The following SLC43A2 variants were observed in gnomAD, a reference collection of about 807,000 sequenced individuals.
The protein encoded by SLC43A2 is large neutral amino acids transporter small subunit 4.
Under a neutral mutation model 63.2 loss-of-function variants are expected in SLC43A2, and 38 were observed. The observed-to-expected ratio is 0.60, with a 90% CI of 0.46 to 0.79. The LOEUF is 0.79. SLC43A2 is among the 30% of genes least tolerant of loss of function. The pLI, the probability that SLC43A2 is intolerant of heterozygous loss-of-function variation, is 0.00. For synonymous variants in SLC43A2, 322 were observed against 331.0 expected (o/e 0.97, Z 0.30); for missense variants, 644 against 756.2 (o/e 0.85, Z 1.74).
chr17:1,590,978 CG>C, intron 8 of SLC43A2, 30 bp from the exon 9 acceptor site: 16 of 1,546,578 alleles, frequency 1.0e-5, no homozygotes, highest in Non-Finnish European at 1.4e-5. Flanking sequence ...GGCTCAGGGC[CG>C]GGGCACACTG....
At chr17:1,580,527 G>A (rs552092703) in intron 11 of SLC43A2, among the ~76,000 whole-genome samples, 2 of 152,040 alleles carry the variant, frequency 1.3e-5, no homozygotes, top group African/African-American at 4.8e-5. Flanking sequence ...GTGTTTCTTC[G>A]CTTTTTGTTT....
chr17:1,570,332 G>A lies in SLC43A2; in HGVS notation c.*5272C>T, dbSNP rs2075828693. ...GATTACAGGGATGAGCCACCTCGCT[G>A]GGACCAGACCTTACTTTCTTGACTT... On this transcript the variant is annotated 3_prime_UTR_variant, in exon 14 of 14. Coordinates refer to ENST00000301335, the MANE Select transcript of SLC43A2 (RefSeq NM_152346.3). 1 of 151,736 alleles carries A rather than the reference G, an allele frequency of 6.6e-6. No homozygotes were observed. Among genetic ancestry groups the A allele is most frequent in the Non-Finnish European group, 1.5e-5 (1 of 67,966 alleles). 9.4% of individuals were successfully genotyped at this position (151,736 alleles called of 1,614,324 possible).
chr17:1,591,097 C>T (rs1392156879), intron 8 of SLC43A2, 149 bp from the exon 9 acceptor site: 1 of 1,257,864 alleles, frequency 7.9e-7, no homozygotes, highest in Admixed American at 2.3e-5. Flanking sequence ...GTGGGGTCAC[C>T]TCTTGGGTGA....
rs2075956004 is a variant in SLC43A2, at chr17:1,577,719, G to A, written c.1424+531C>T. Reference sequence around the variant, plus strand: ...CTGTGGTTCCTTTTATGTTTCTGGGGCTTCTTGGAAAAAGATACAGGTTTC... The same window carrying A: ...CTGTGGTTCCTTTTATGTTTCTGGGACTTCTTGGAAAAAGATACAGGTTTC... On this transcript the variant is annotated intron_variant, in intron 12 of 13. Coordinates refer to ENST00000301335, the MANE Select transcript of SLC43A2 (RefSeq NM_152346.3). The surrounding 1 kb of genome is among the most constrained non-coding windows in gnomAD (Gnocchi z 4.9). Among the ~76,000 whole-genome samples the A allele has an allele frequency of 6.6e-6, 1 of 152,206 alleles. No individual in the cohort carries two copies. Among genetic ancestry groups the A allele is most frequent in the Non-Finnish European group, 1.5e-5 (1 of 68,036 alleles).
At chr17:1,629,349 C>T (rs1479305208), upstream of SLC43A2, among the ~76,000 whole-genome samples, 9 of 152,144 alleles carry the variant, frequency 5.9e-5, no homozygotes. Context: ...GCGCCGCCGT[C>T]CCCGCCGCCT....
chr17:1,599,937 G>A lies in SLC43A2; in HGVS notation c.502-6658C>T, dbSNP rs534394535. On this transcript the variant is annotated intron_variant, in intron 5 of 13. Coordinates refer to ENST00000301335, the MANE Select transcript of SLC43A2 (RefSeq NM_152346.3). ...CGGGCGCCTGTAGTCCCAGCTACTC[G>A]GGAGGCTGAGACGGGAGAATGGCGT... 1.4e-4 allele frequency among the ~76,000 whole-genome samples: 21 copies of A among 148,036 alleles called. No individual in the cohort carries two copies. The East Asian group carries it at 3.5e-3, about 25-fold the overall frequency.
chr17:1,602,810 G>A (rs1470363311), intron 5 of SLC43A2, among the ~76,000 whole-genome samples: 6 of 145,506 alleles, frequency 4.1e-5, no homozygotes, highest in African/African-American at 1.5e-4. Context: ...CCAGGCTGGA[G>A]TGCAATGGTG....
chr17:1,591,735 G>GGGGGGGGGGGGA, intron 6 of SLC43A2, 36 bp from the exon 7 acceptor site: 1 of 652,924 alleles, frequency 1.5e-6, no homozygotes, highest in South Asian at 1.9e-5. Flanking sequence ...GGGGGGGGGA[G>GGGGGGGGGGGGA]GGGGCAGAGT....
rs555690549 is a variant in SLC43A2 at position 1,593,350 on chromosome 17, G to A, written c.502-71C>T. ...GGGAAGGGGAGGAGGAGGGGACAGAGAACTAGGCCCCATGAGGCCCCTTCT... is the reference window on the plus strand; with the variant it reads ...GGGAAGGGGAGGAGGAGGGGACAGAAAACTAGGCCCCATGAGGCCCCTTCT... On this transcript the variant is annotated intron_variant, in intron 5 of 13. Coordinates refer to ENST00000301335, the MANE Select transcript of SLC43A2 (RefSeq NM_152346.3). This position sits in a 1 kb window ranked among gnomAD's most constrained non-coding sequence, Gnocchi z 5.3. 11 of 1,404,286 alleles carry A rather than the reference G, an allele frequency of 7.8e-6. No individual in the cohort carries two copies. In the South Asian group the frequency reaches 1.2e-4, roughly 15 times the overall value. 87.0% of individuals were successfully genotyped at this position (1,404,286 alleles called of 1,614,324 possible). A position where few individuals can be genotyped will look rare whatever the true frequency, so the allele number is the denominator to read the frequency against.
chr17:1,576,170 G>A (rs766369892), intron 13 of SLC43A2, among the ~76,000 whole-genome samples: 9 of 138,562 alleles, frequency 6.5e-5, no homozygotes, highest in Non-Finnish European at 1.2e-4. Flanking sequence ...TGCAATCTCC[G>A]CCTCCCGGGT....
At chr17:1,604,745 G>T in intron 5 of SLC43A2, 2 of 1,535,814 alleles carry the variant, frequency 1.3e-6, no homozygotes, top group Non-Finnish European at 1.7e-6. Flanking sequence ...CTCACCTCCT[G>T]CTGTTGCCTT....
intron 9 of SLC43A2, among the ~76,000 whole-genome samples, chr17:1,588,938 C>G (rs1168191993): frequency 2.0e-5 from 3 of 152,182 alleles, no homozygotes; most frequent in Non-Finnish European, 2.9e-5. Context: ...TTGAGCCGTT[C>G]CTCAGCAGCA....
chr17:1,599,840 C>G (rs1042674189), intron 5 of SLC43A2, among the ~76,000 whole-genome samples: 2 of 151,074 alleles, frequency 1.3e-5, no homozygotes, highest in East Asian at 2.0e-4. Context: ...GTCAGGAGAT[C>G]GAGACCATCC....
chr17:1,623,358 G>A (rs73287186), intron 2 of SLC43A2, among the ~76,000 whole-genome samples: 21 of 152,284 alleles, frequency 1.4e-4, no homozygotes, highest in African/African-American at 2.4e-4. Flanking sequence ...AACTGGGGTC[G>A]GCCTTCATGC....
In SLC43A2 at chr17:1,578,862, T is replaced by C. The variant is rs1305271786; in HGVS notation, c.1351-539A>G. Among the ~76,000 whole-genome samples the C allele has an allele frequency of 7.0e-6, 1 of 143,356 alleles. No homozygotes were observed. Among genetic ancestry groups the C allele is most frequent in the Non-Finnish European group, 1.5e-5 (1 of 65,138 alleles). The allele number at this position is 143,356 out of a possible 152,430, so 94.0% of individuals were successfully genotyped here. A position where few individuals can be genotyped will look rare whatever the true frequency, so the allele number is the denominator to read the frequency against. ...CATTATTAAAAATTAAATTATAGGC[T>C]GGGCAAGGTGGCTCACGCCCGTAAT... On this transcript the variant is annotated intron_variant, in intron 11 of 13. Coordinates refer to ENST00000301335, the MANE Select transcript of SLC43A2 (RefSeq NM_152346.3). The surrounding 1 kb of genome is among the most constrained non-coding windows in gnomAD (Gnocchi z 6.5).
chr17:1,589,785 A>AT (rs1320002642), intron 9 of SLC43A2, among the ~76,000 whole-genome samples: 2 of 151,942 alleles, frequency 1.3e-5, no homozygotes, highest in African/African-American at 4.8e-5. Flanking sequence ...CGCCTGGCTA[A>AT]TTTTTTGTAT....
intron 9 of SLC43A2, among the ~76,000 whole-genome samples, chr17:1,588,214 C>G (rs556409479): frequency 6.6e-6 from 1 of 151,214 alleles, no homozygotes; most frequent in Non-Finnish European, 1.5e-5. Context: ...GGTGAAACTC[C>G]GTCTCTACTA....
chr17:1,593,353 C>A lies in SLC43A2; in HGVS notation c.502-74G>T. On this transcript the variant is annotated intron_variant, in intron 5 of 13. Coordinates refer to ENST00000301335, the MANE Select transcript of SLC43A2 (RefSeq NM_152346.3). The surrounding 1 kb of genome is among the most constrained non-coding windows in gnomAD (Gnocchi z 5.3). ...AAGGGGAGGAGGAGGGGACAGAGAACTAGGCCCCATGAGGCCCCTTCTTCA... is the reference window on the plus strand; with the variant it reads ...AAGGGGAGGAGGAGGGGACAGAGAAATAGGCCCCATGAGGCCCCTTCTTCA... 1 of 1,387,516 alleles carries A rather than the reference C, an allele frequency of 7.2e-7. No homozygotes were observed. The highest frequency in any genetic ancestry group is 1.0e-6 in the Non-Finnish European group (1 of 989,406). 86.0% of individuals were successfully genotyped at this position (1,387,516 alleles called of 1,614,324 possible). A position where few individuals can be genotyped will look rare whatever the true frequency, so the allele number is the denominator to read the frequency against.
At chr17:1,591,210 G>A (rs1242575303) in intron 8 of SLC43A2, 59 bp downstream of exon 8, 25 of 1,573,102 alleles carry the variant, frequency 1.6e-5, no homozygotes, top group Non-Finnish European at 2.1e-5. Context: ...GGAATGGGGT[G>A]AGCCGATACC....
Sources: gnomAD v4.1 joint callset for allele counts (sites outside exome capture counted in the v4.1 genomes callset) on GRCh38, gnomAD v4.1.1 for gene constraint, Gnocchi (gnomAD v3.1) non-coding constraint, MANE v1.5 for transcripts, NCBI Gene and HGNC (gene_info 2026-07-23, HGNC 2026-07-21) for gene names.